Variants in DPYSL5 observed in about 807,000 individuals in gnomAD.
DPYSL5 encodes the protein dihydropyrimidinase-related protein 5.
In DPYSL5, 9 loss-of-function variants were observed where a neutral mutation model predicts 58.4. The observed-to-expected ratio is 0.15, with a 90% confidence interval of 0.09 to 0.27. The LOEUF is 0.27. Among genes scored for constraint, DPYSL5 ranks in the 10% least tolerant of loss-of-function variants. DPYSL5 has a pLI of 1.00. For missense variants in DPYSL5, 499 were observed against 770.6 expected (o/e 0.65, Z 4.17); for synonymous variants, 293 against 301.9 (o/e 0.97, Z 0.31).
At chr2:26,909,728 TC>T (rs1214320978) in intron 2 of DPYSL5, among the ~76,000 whole-genome samples, 1 of 151,954 alleles carries the variant, frequency 6.6e-6, no homozygotes, top group Non-Finnish European at 1.5e-5. Context: ...TGAGCTATGA[TC>T]ATGCCACTGC....
chr2:26,925,048 A>G lies in DPYSL5; in HGVS notation c.420+3A>G. 1 of 1,613,862 alleles carries G rather than the reference A, an allele frequency of 6.2e-7. No individual in the cohort carries two copies. The highest frequency in any genetic ancestry group is 8.5e-7 in the Non-Finnish European group (1 of 1,179,874). On this transcript the variant is annotated splice_donor_region_variant and intron_variant, in intron 3 of 12. Transcript: ENST00000288699. This position sits in a 1 kb window ranked among gnomAD's most constrained non-coding sequence, Gnocchi z 4.5. ...GGATCACCTGGTGGGCACCCAAGGTAACAGTGCTGGTGGGATCCCAGAAGA... is the reference window on the plus strand; with the variant it reads ...GGATCACCTGGTGGGCACCCAAGGTGACAGTGCTGGTGGGATCCCAGAAGA...
rs1373575145 is a variant in DPYSL5, at chr2:26,905,733, T to C, written c.261+6973T>C. 2.0e-5 allele frequency among the ~76,000 whole-genome samples: 3 copies of C among 152,188 alleles called. No homozygotes were observed. The highest frequency in any genetic ancestry group is 4.8e-5 in the African/African-American group (2 of 41,440). ...TCCCCTGCCACCTGGAGGACATCCC[T>C]CTACCCCCTCCATCGGTACTTAGTC... On this transcript the variant is annotated intron_variant, in intron 2 of 12. Transcript: ENST00000288699. The surrounding 1 kb of genome is among the most constrained non-coding windows in gnomAD (Gnocchi z 4.0).
In DPYSL5 at chr2:26,942,830, A is replaced by G. The variant is rs1027916166; in HGVS notation, c.1440+80A>G. ...CCTCCATGACTGTTTTAAATCTCAA[A>G]GAGATGTTCACTCCAGTTTTCGACC... On this transcript the variant is annotated intron_variant, in intron 11 of 12. Transcript: ENST00000288699. The surrounding 1 kb of genome is among the most constrained non-coding windows in gnomAD (Gnocchi z 5.9). 2.7e-6 allele frequency: 4 copies of G among 1,499,036 alleles called. No individual in the cohort carries two copies. Among genetic ancestry groups the G allele is most frequent in the Admixed American group, 1.8e-5 (1 of 55,344 alleles). The allele number at this position is 1,499,036 out of a possible 1,614,324, so 92.9% of individuals were successfully genotyped here. A position where few individuals can be genotyped will look rare whatever the true frequency, so the allele number is the denominator to read the frequency against.
Position 26,884,520 on chromosome 2 carries a change from T to TCTCTCACA in DPYSL5, c.-4-13975_-4-13974insTCTCACAC, listed in dbSNP as rs35489206. On this transcript the variant is annotated intron_variant, in intron 1 of 12. Coordinates refer to ENST00000288699, the MANE Select transcript of DPYSL5 (RefSeq NM_020134.4). ...AACGCACAGCTAAGCTTGTCCTATC[T>TCTCTCACA]CACACACACACACACACACACACAC... is the stretch of plus-strand genomic sequence containing the variant. 5.1e-3 allele frequency among the ~76,000 whole-genome samples: 745 copies of TCTCTCACA among 145,628 alleles called. 3 individuals are homozygous for TCTCTCACA. Among genetic ancestry groups the TCTCTCACA allele is most frequent in the Non-Finnish European group, 8.1e-3 (539 of 66,170 alleles).
chr2:26,900,897 G>T (rs903762922), intron 2 of DPYSL5, among the ~76,000 whole-genome samples: 1 of 151,994 alleles, frequency 6.6e-6, no homozygotes, highest in African/African-American at 2.4e-5. Flanking sequence ...GGGCAGACTG[G>T]CCTCCTTTGT....
At chr2:26,850,254 A>C (rs1665717685) in intron 1 of DPYSL5, among the ~76,000 whole-genome samples, 1 of 152,008 alleles carries the variant, frequency 6.6e-6, no homozygotes, top group Admixed American at 6.5e-5. Flanking sequence ...CTTCGCCCAT[A>C]TTGTCTGCTG....
In DPYSL5 at chr2:26,925,154, A is replaced by G; in HGVS notation, c.420+109A>G. The G allele has an allele frequency of 7.3e-7, 1 of 1,365,014 alleles. No homozygotes were observed. Among genetic ancestry groups the G allele is most frequent in the Non-Finnish European group, 9.9e-7 (1 of 1,006,542 alleles). The allele number at this position is 1,365,014 out of a possible 1,614,324, so 84.6% of individuals were successfully genotyped here. On this transcript the variant is annotated intron_variant, in intron 3 of 12. Coordinates refer to ENST00000288699, the MANE Select transcript of DPYSL5 (RefSeq NM_020134.4). The surrounding 1 kb of genome is among the most constrained non-coding windows in gnomAD (Gnocchi z 4.5). ...TGTGTGGGGCACCCCTCCCACTACC[A>G]TCCTAGCTCCCCACAATGCCAAAAG...
chr2:26,911,079 G>GTTTTTT (rs57441106), intron 2 of DPYSL5, among the ~76,000 whole-genome samples: 3 of 100,416 alleles, frequency 3.0e-5, no homozygotes, highest in Non-Finnish European at 3.9e-5. Flanking sequence ...TCTATGTTCA[G>GTTTTTT]TTTTTTTTTT....
At chr2:26,904,348 T>G (rs887141904) in intron 2 of DPYSL5, among the ~76,000 whole-genome samples, 10 of 152,244 alleles carry the variant, frequency 6.6e-5, no homozygotes, top group African/African-American at 2.4e-4. Context: ...TCTCGTGGAA[T>G]GAAGCCTATA....
At chr2:26,894,264 T>C (rs1663959275) in intron 1 of DPYSL5, among the ~76,000 whole-genome samples, 1 of 152,072 alleles carries the variant, frequency 6.6e-6, no homozygotes, top group Non-Finnish European at 1.5e-5. Flanking sequence ...CTCAGGTCCC[T>C]GCAGTGGCTC....
chr2:26,902,474 A>C (rs1664182938), intron 2 of DPYSL5, among the ~76,000 whole-genome samples: 1 of 152,170 alleles, frequency 6.6e-6, no homozygotes, highest in African/African-American at 2.4e-5. Flanking sequence ...CCAGCCCCTC[A>C]CTAAGATATT....
intron 12 of DPYSL5, 99 bp from the exon 13 acceptor site, chr2:26,946,811 A>G (rs1665497489): frequency 1.2e-6 from 1 of 845,008 alleles, no homozygotes; most frequent in African/African-American, 1.7e-5. Flanking sequence ...GTGAGGATTC[A>G]CTCAGGCCAT....
At chr2:26,897,666 G>T (rs1231189096) in intron 1 of DPYSL5, among the ~76,000 whole-genome samples, 1 of 152,140 alleles carries the variant, frequency 6.6e-6, no homozygotes, top group East Asian at 1.9e-4. Flanking sequence ...GCTAATACCG[G>T]CTTCATAAAA....
chr2:26,879,885 T>G (rs1469451175), intron 1 of DPYSL5, among the ~76,000 whole-genome samples: 4 of 151,782 alleles, frequency 2.6e-5, no homozygotes, highest in Non-Finnish European at 5.9e-5. Context: ...ATGCTGCCAC[T>G]CGTTTGTTGT....
intron 1 of DPYSL5, among the ~76,000 whole-genome samples, chr2:26,862,485 C>T (rs1427681796): frequency 1.3e-5 from 2 of 152,160 alleles, no homozygotes; most frequent in Non-Finnish European, 2.9e-5. Context: ...TGGGTCTATG[C>T]CAGGCATACT....
intron 2 of DPYSL5, among the ~76,000 whole-genome samples, chr2:26,915,274 A>C (rs1318371814): frequency 6.6e-6 from 1 of 152,154 alleles, no homozygotes; most frequent in Non-Finnish European, 1.5e-5. Flanking sequence ...AGCCAGGCCT[A>C]CTTACTAAAG....
At chr2:26,864,180 G>A (rs1040621221) in intron 1 of DPYSL5, among the ~76,000 whole-genome samples, 4 of 152,216 alleles carry the variant, frequency 2.6e-5, no homozygotes, top group African/African-American at 7.2e-5. Context: ...TGGAGGCGGA[G>A]GTTTCAGTGG....
intron 1 of DPYSL5, among the ~76,000 whole-genome samples, chr2:26,893,839 G>A (rs1014459231): frequency 1.1e-4 from 17 of 152,104 alleles, no homozygotes; most frequent in Admixed American, 2.6e-4. Flanking sequence ...CCTGAAGAAC[G>A]AGAAATTTAC....
intron 2 of DPYSL5, among the ~76,000 whole-genome samples, chr2:26,908,445 A>G (rs1664353464): frequency 6.6e-6 from 1 of 152,236 alleles, no homozygotes; most frequent in South Asian, 2.1e-4. Context: ...TACTTGCTTA[A>G]CAAAACCTTG....
Sources: allele counts gnomAD v4.1 joint callset (sites outside exome capture counted in the v4.1 genomes callset), GRCh38; gene constraint gnomAD v4.1.1; non-coding constraint Gnocchi (gnomAD v3.1); transcripts MANE v1.5; gene names NCBI Gene and HGNC (gene_info 2026-07-23, HGNC 2026-07-21).